The following FARP1 variants were observed in gnomAD, a reference collection of about 807,000 sequenced individuals.
The protein encoded by FARP1 is FERM, ARH/RhoGEF and pleckstrin domain protein 1, also known as FERM, ARHGEF and pleckstrin domain-containing protein 1.
Under a neutral mutation model 128.8 loss-of-function variants are expected in FARP1, and 52 were observed. The observed-to-expected ratio is 0.40, with a 90% CI of 0.32 to 0.51. The LOEUF (loss-of-function observed/expected upper bound fraction) is 0.51, where lower values mean the gene tolerates loss of function less well. Among genes scored for constraint, FARP1 ranks in the 20% least tolerant of loss-of-function variants. FARP1 has a pLI of 0.45. For missense variants in FARP1, 1,333 were observed against 1,367.9 expected, an observed-to-expected ratio of 0.97 and a Z score of 0.40; for synonymous variants, 580 against 551.8, an observed-to-expected ratio of 1.05 and a Z score of -0.72.
At chr13:98,309,835 T>C (rs866252817) in intron 2 of FARP1, among the ~76,000 whole-genome samples, 1 of 152,156 alleles carries the variant, frequency 6.6e-6, no homozygotes, top group South Asian at 2.1e-4. Context: ...TGCATTGTTT[T>C]CCCTTGTGAC....
intron 1 of FARP1, among the ~76,000 whole-genome samples, chr13:98,159,123 C>T (rs1343222564): frequency 5.3e-5 from 8 of 152,206 alleles, no homozygotes; most frequent in South Asian, 4.1e-4. Context: ...ATGTAGGAGA[C>T]GCCTTCTGGC....
At chr13:98,293,015 G>A (rs756684214) in intron 2 of FARP1, among the ~76,000 whole-genome samples, 9 of 152,138 alleles carry the variant, frequency 5.9e-5, no homozygotes, top group Non-Finnish European at 1.2e-4. Flanking sequence ...TAAAATGTAG[G>A]AAAGAAAGGG....
intron 2 of FARP1, among the ~76,000 whole-genome samples, chr13:98,271,733 G>A (rs111652553): frequency 0.028 from 4,314 of 152,214 alleles, 177 homozygotes; most frequent in African/African-American, 0.094. Flanking sequence ...CCTGCAAAGG[G>A]CATGAACTCA....
intron 2 of FARP1, among the ~76,000 whole-genome samples, chr13:98,326,070 T>C (rs1811159314): frequency 6.6e-6 from 1 of 152,194 alleles, no homozygotes; most frequent in South Asian, 2.1e-4. Flanking sequence ...CTTTGAAAAA[T>C]GAATGAAAAT....
At chr13:98,224,526 C>CAAAAAAAAAAAAAAA (rs1203238924) in intron 2 of FARP1, among the ~76,000 whole-genome samples, 17 of 50,226 alleles carry the variant, frequency 3.4e-4, no homozygotes, top group African/African-American at 5.2e-4. Context: ...GACTCTGTCT[C>CAAAAAAAAAAAAAAA]AAAAAAAAAA....
intron 1 of FARP1, among the ~76,000 whole-genome samples, chr13:98,174,514 A>G (rs1877858084): frequency 6.6e-6 from 1 of 152,228 alleles, no homozygotes; most frequent in Non-Finnish European, 1.5e-5. Flanking sequence ...AAAGTGAATA[A>G]AATAGCCCTT....
At chr13:98,437,980 G>C (rs1285878470) in intron 19 of FARP1, 16 of 825,322 alleles carry the variant, frequency 1.9e-5, no homozygotes, top group Non-Finnish European at 2.9e-5. Context: ...TGGGAAGGTG[G>C]GATCGGAGGC....
At chr13:98,424,267 A>G (rs1405502730) in intron 16 of FARP1, among the ~76,000 whole-genome samples, 1 of 152,240 alleles carries the variant, frequency 6.6e-6, no homozygotes, top group African/African-American at 2.4e-5. Flanking sequence ...GTGGATGGAA[A>G]AAAATTAATC....
intron 2 of FARP1, among the ~76,000 whole-genome samples, chr13:98,250,399 C>G (rs1179277395): frequency 5.3e-5 from 8 of 152,044 alleles, no homozygotes; most frequent in African/African-American, 1.9e-4. Context: ...ACAAAAGAGG[C>G]TATAAAAAGT....
chr13:98,256,323 A>C (rs1010135796), intron 2 of FARP1, among the ~76,000 whole-genome samples: 5 of 152,198 alleles, frequency 3.3e-5, no homozygotes, highest in Non-Finnish European at 7.3e-5. Context: ...AATTCATGAA[A>C]TTAAGTGAGA....
intron 4 of FARP1, 69 bp downstream of exon 4, chr13:98,365,506 T>C: frequency 8.7e-7 from 1 of 1,150,866 alleles, no homozygotes; most frequent in Non-Finnish European, 1.3e-6. Flanking sequence ...TCTAGACATC[T>C]CTTGCCCTGT....
Position 98,312,351 on chromosome 13 carries a change from G to A in FARP1, c.172-31411G>A, listed in dbSNP as rs191482911. On this transcript the variant is annotated intron_variant, in intron 2 of 26. Transcript: ENST00000319562. ...AGACAGGGTTTCACCGTGTTAGCCA[G>A]GATGGTCTCAATCTCCTGACCTTGT... 4.2e-3 allele frequency among the ~76,000 whole-genome samples: 631 copies of A among 152,016 alleles called. 7 individuals carry two copies. The highest frequency in any genetic ancestry group is 0.014 in the African/African-American group (596 of 41,462).
intron 2 of FARP1, among the ~76,000 whole-genome samples, chr13:98,269,496 C>T (rs1380745101): frequency 1.3e-5 from 2 of 152,246 alleles, no homozygotes; most frequent in Admixed American, 1.3e-4. Context: ...GGCATCTCAA[C>T]AGACTCATCC....
chr13:98,314,941 T>C (rs1436370035), intron 2 of FARP1, among the ~76,000 whole-genome samples: 1 of 152,086 alleles, frequency 6.6e-6, no homozygotes, highest in Admixed American at 6.6e-5. Flanking sequence ...TTCAAAGACT[T>C]GGAGTGGAGA....
intron 2 of FARP1, among the ~76,000 whole-genome samples, chr13:98,266,667 A>G (rs538613512): frequency 3.1e-4 from 47 of 152,260 alleles, no homozygotes; most frequent in Non-Finnish European, 5.9e-4. Context: ...GGAAAAAACA[A>G]CCCCAAGATG....
At chr13:98,317,634 G>T (rs974934793) in intron 2 of FARP1, among the ~76,000 whole-genome samples, 2 of 151,578 alleles carry the variant, frequency 1.3e-5, no homozygotes, top group Non-Finnish European at 2.9e-5. Flanking sequence ...ATTCCCCTCT[G>T]TCTTTTGCTG....
At chr13:98,227,520 T>C (rs1046429141) in intron 2 of FARP1, among the ~76,000 whole-genome samples, 1 of 151,560 alleles carries the variant, frequency 6.6e-6, no homozygotes, top group Non-Finnish European at 1.5e-5. Flanking sequence ...CTGTGCACTG[T>C]TGGTGAGAAT....
In FARP1 at chr13:98,440,661, A is replaced by G. The variant is rs2139120532; in HGVS notation, c.2630-9A>G. The G allele has an allele frequency of 4.3e-6, 7 of 1,610,734 alleles. No homozygotes were observed. The highest frequency in any genetic ancestry group is 2.2e-5 in the East Asian group (1 of 44,814). On this transcript the variant is annotated splice_polypyrimidine_tract_variant and intron_variant, in intron 23 of 26. Transcript: ENST00000319562. ...GATCAGAAGTGCTGCCTTTTGCCCC[A>G]TCCTGTAGAGTCCCCTGATGAAGCC...
chr13:98,157,833 A>G (rs1287400027), intron 1 of FARP1, among the ~76,000 whole-genome samples: 3 of 152,240 alleles, frequency 2.0e-5, no homozygotes, highest in Non-Finnish European at 4.4e-5. Context: ...TAGGTGCTCA[A>G]TAAATATTTA....
Sources: allele counts gnomAD v4.1 joint callset (sites outside exome capture counted in the v4.1 genomes callset), GRCh38; gene constraint gnomAD v4.1.1; transcripts MANE v1.5; gene names NCBI Gene and HGNC (gene_info 2026-07-23, HGNC 2026-07-21).